FRMPD2: variants seen among roughly 807,000 people sequenced by gnomAD.
FRMPD2 encodes the protein FERM and PDZ domain containing 2, also known as FERM and PDZ domain-containing protein 2.
A neutral mutation model predicts 140.1 loss-of-function variants in FRMPD2; 96 were observed. The observed-to-expected ratio is 0.69, with a 90% confidence interval of 0.58 to 0.81. The LOEUF (loss-of-function observed/expected upper bound fraction) is 0.81. Ranked by LOEUF, FRMPD2 falls within the 40% of genes least tolerant of loss-of-function variation. FRMPD2 has a pLI of 0.00. For missense variants in FRMPD2, 1,240 were observed against 1,447.4 expected (o/e 0.86, Z 2.32); for synonymous variants, 449 against 547.6 (o/e 0.82, Z 2.52).
chr10:48,273,795 C>T (rs1840809132), intron 1 of FRMPD2, among the ~76,000 whole-genome samples: 1 of 151,386 alleles, frequency 6.6e-6, no homozygotes, highest in Admixed American at 6.6e-5. Flanking sequence ...TAATGAACTA[C>T]TTAATTGGTT....
intron 10 of FRMPD2, among the ~76,000 whole-genome samples, chr10:48,223,654 C>T (rs1191394009): frequency 6.6e-6 from 1 of 152,144 alleles, no homozygotes; most frequent in East Asian, 1.9e-4. Context: ...CTGTACCAAC[C>T]CCCTCCTCCC....
chr10:48,263,559 A>G (rs984087425), intron 1 of FRMPD2, among the ~76,000 whole-genome samples: 1 of 152,170 alleles, frequency 6.6e-6, no homozygotes, highest in Non-Finnish European at 1.5e-5. Flanking sequence ...GAAACGGACC[A>G]ATTCCTTGAA....
chr10:48,215,613 C>A (rs947296783), intron 12 of FRMPD2, among the ~76,000 whole-genome samples: 1 of 152,128 alleles, frequency 6.6e-6, no homozygotes. Flanking sequence ...CCTTTACATA[C>A]GTGAGAAAGG....
chr10:48,191,095 C>G (rs1340659679), intron 16 of FRMPD2, among the ~76,000 whole-genome samples: 1 of 152,190 alleles, frequency 6.6e-6, no homozygotes, highest in Non-Finnish European at 1.5e-5. Context: ...AGGACTGACA[C>G]CAGGCTAGCT....
chr10:48,250,880 T>C (rs1840362488), intron 2 of FRMPD2, among the ~76,000 whole-genome samples: 3 of 144,346 alleles, frequency 2.1e-5, no homozygotes, highest in African/African-American at 7.7e-5. Context: ...CACTACAACC[T>C]CTGCCTCCTG....
chr10:48,220,978 T>C (rs1839572789), intron 12 of FRMPD2, among the ~76,000 whole-genome samples: 1 of 152,224 alleles, frequency 6.6e-6, no homozygotes, highest in African/African-American at 2.4e-5. Flanking sequence ...GGAACACTTT[T>C]ATACTGCTGG....
At chr10:48,183,960 T>C (rs1838614713) in intron 20 of FRMPD2, among the ~76,000 whole-genome samples, 1 of 151,654 alleles carries the variant, frequency 6.6e-6, no homozygotes, top group Non-Finnish European at 1.5e-5. Flanking sequence ...CAGAGCCTAC[T>C]TGAGGGAGGA....
chr10:48,238,543 T>C (rs1332629312), intron 7 of FRMPD2, among the ~76,000 whole-genome samples: 1 of 152,172 alleles, frequency 6.6e-6, no homozygotes, highest in Non-Finnish European at 1.5e-5. Context: ...TTGTTTTCAT[T>C]GGGAAAATAA....
intron 27 of FRMPD2, among the ~76,000 whole-genome samples, chr10:48,164,040 G>T (rs1261813651): frequency 6.6e-6 from 1 of 150,898 alleles, no homozygotes; most frequent in African/African-American, 2.5e-5. Context: ...CTCAGGGCTT[G>T]TCTCCCTGTC....
intron 8 of FRMPD2, among the ~76,000 whole-genome samples, chr10:48,237,701 G>A (rs912533517): frequency 2.6e-5 from 4 of 152,066 alleles, no homozygotes; most frequent in South Asian, 2.1e-4. Context: ...CATGTAGCAC[G>A]CTCTGCCACC....
intron 20 of FRMPD2, among the ~76,000 whole-genome samples, chr10:48,182,783 C>T (rs944935935): frequency 1.3e-5 from 2 of 152,202 alleles, no homozygotes; most frequent in East Asian, 1.9e-4. Flanking sequence ...TCACAGCAGG[C>T]CATCCTTGGA....
chr10:48,253,543 C>A (rs1840432376), intron 1 of FRMPD2, among the ~76,000 whole-genome samples: 2 of 151,918 alleles, frequency 1.3e-5, no homozygotes, highest in African/African-American at 4.8e-5. Context: ...AAAACCCCAC[C>A]CAATATCAAA....
At chr10:48,258,876 T>C (rs1022528323) in intron 1 of FRMPD2, among the ~76,000 whole-genome samples, 4 of 152,232 alleles carry the variant, frequency 2.6e-5, no homozygotes, top group Non-Finnish European at 5.9e-5. Context: ...TATAACTATT[T>C]TATAAAAATT....
intron 20 of FRMPD2, among the ~76,000 whole-genome samples, chr10:48,182,007 T>G (rs1483886185): frequency 6.6e-6 from 1 of 151,614 alleles, no homozygotes; most frequent in Non-Finnish European, 1.5e-5. Flanking sequence ...GTGGGAGGAA[T>G]GAATAACAGT....
intron 20 of FRMPD2, 27 bp from the exon 21 acceptor site, chr10:48,181,035 A>G: frequency 7.3e-7 from 1 of 1,367,128 alleles, no homozygotes; most frequent in South Asian, 1.2e-5. Context: ...AGAAAAAGTC[A>G]ACAGCTTAAA....
rs1478807729 is a variant in FRMPD2, at chr10:48,212,078, T to G, written c.1487A>C (p.Glu496Ala). 1.9e-6 allele frequency: 3 copies of G among 1,614,052 alleles called. No homozygotes were observed. Among genetic ancestry groups the G allele is most frequent in the South Asian group, 2.2e-5 (2 of 91,068 alleles). ...QVESKPYFHVEDYIPASLIER... is the reference protein window; with the variant it reads ...QVESKPYFHVADYIPASLIER... ...GATCAGACTCGCTGGGATGTAATCT[T>G]CAACGTGAAAGTATGGCTTACTCTC... Residue 496 changes from glutamate to alanine, a missense_variant, in exon 13 of 29, where the codon GAA (glutamate) becomes GCA (alanine). Physicochemically the swap from Glu to Ala is moderately radical, Grantham distance 107. Around this residue, in one of 6 missense-constraint regions of FRMPD2, gnomAD observed 1,161 missense variants for 1,055.9 expected, o/e 1.10. Coordinates refer to ENST00000374201, the MANE Select transcript of FRMPD2 (RefSeq NM_001018071.4).
chr10:48,207,170 A>G (rs1475711126), intron 13 of FRMPD2, among the ~76,000 whole-genome samples: 1 of 149,264 alleles, frequency 6.7e-6, no homozygotes, highest in African/African-American at 2.5e-5. Flanking sequence ...CCCAAGGAAT[A>G]CTTTTCTCAT....
intron 12 of FRMPD2, among the ~76,000 whole-genome samples, chr10:48,215,179 A>G (rs1839416812): frequency 6.6e-6 from 1 of 152,316 alleles, no homozygotes; most frequent in South Asian, 2.1e-4. Context: ...TTTCAGCACC[A>G]GAACCATTTA....
intron 28 of FRMPD2, among the ~76,000 whole-genome samples, chr10:48,159,886 A>C (rs1176450950): frequency 6.6e-6 from 1 of 151,628 alleles, no homozygotes; most frequent in African/African-American, 2.4e-5. Flanking sequence ...GGAGAACTAA[A>C]TCTTTCATCC....
Sources: allele counts gnomAD v4.1 joint callset (sites outside exome capture counted in the v4.1 genomes callset), GRCh38; gene constraint gnomAD v4.1.1; regional missense constraint gnomAD v4.1.1; transcripts MANE v1.5; gene names NCBI Gene and HGNC (gene_info 2026-07-23, HGNC 2026-07-21).